The following KANK1 variants were observed in gnomAD, a reference collection of about 807,000 sequenced individuals.
KANK1 encodes KN motif and ankyrin repeat domain-containing protein 1.
KANK1 carries 109 observed loss-of-function variants against 106.2 expected under a neutral mutation model. That is an observed-to-expected ratio of 1.03 (90% CI 0.88 to 1.20). The LOEUF (loss-of-function observed/expected upper bound fraction) is 1.20, where lower values mean the gene tolerates loss of function less well. Ranked by LOEUF, KANK1 falls within the 50% of genes most tolerant of loss-of-function variation. The probability of loss-of-function intolerance (pLI) is 0.00; values close to 1 mark genes in which losing one functional copy is unlikely to be tolerated. For missense variants in KANK1, 2,399 were observed against 1,710.7 expected (o/e 1.40, Z -7.10); for synonymous variants, 873 against 652.2 (o/e 1.34, Z -5.16).
chr9:631,279 G>A (rs1323154953), intron 1 of KANK1, among the ~76,000 whole-genome samples: 4 of 152,116 alleles, frequency 2.6e-5, no homozygotes, highest in African/African-American at 7.2e-5. Context: ...CAGCCCACAC[G>A]GAAAAAGAAA....
chr9:628,698 A>G (rs1212893615), intron 1 of KANK1, among the ~76,000 whole-genome samples: 1 of 152,102 alleles, frequency 6.6e-6, no homozygotes, highest in Non-Finnish European at 1.5e-5. Flanking sequence ...GAAACATCCA[A>G]GGCTCTTTGC....
At chr9:635,755 G>C (rs1315874011) in intron 1 of KANK1, among the ~76,000 whole-genome samples, 1 of 133,658 alleles carries the variant, frequency 7.5e-6, no homozygotes, top group Non-Finnish European at 1.5e-5. Context: ...CTGGAGTGCA[G>C]TGGCACGATC....
At chr9:743,404 G>C (rs1400002106) in intron 10 of KANK1, among the ~76,000 whole-genome samples, 2 of 152,202 alleles carry the variant, frequency 1.3e-5, no homozygotes, top group Non-Finnish European at 2.9e-5. Flanking sequence ...GGGAGGGAGA[G>C]CTTCTGACCG....
At chr9:715,442 T>G (rs1016526232) in intron 3 of KANK1, among the ~76,000 whole-genome samples, 3 of 152,222 alleles carry the variant, frequency 2.0e-5, no homozygotes, top group Non-Finnish European at 4.4e-5. Context: ...AACTGGGGTT[T>G]CTATTTCACA....
chr9:560,701 C>T (rs886983327), intron 1 of KANK1, among the ~76,000 whole-genome samples: 48 of 151,604 alleles, frequency 3.2e-4, no homozygotes, highest in Non-Finnish European at 2.8e-4. Flanking sequence ...GGTCTTTGAT[C>T]AAGAAAGGTG....
intron 2 of KANK1, among the ~76,000 whole-genome samples, chr9:695,995 A>G (rs1424420702): frequency 2.0e-5 from 3 of 152,136 alleles, no homozygotes; most frequent in Non-Finnish European, 2.9e-5. Flanking sequence ...GAATACAAAC[A>G]TAAATACTGC....
At chr9:687,148 G>A (rs912653267) in intron 2 of KANK1, among the ~76,000 whole-genome samples, 22 of 152,066 alleles carry the variant, frequency 1.4e-4, no homozygotes, top group South Asian at 6.2e-4. Context: ...TCATTCAGTG[G>A]CTCACTTTTA....
intron 1 of KANK1, among the ~76,000 whole-genome samples, chr9:654,365 T>G (rs534238630): frequency 3.7e-4 from 56 of 152,170 alleles, no homozygotes; most frequent in Non-Finnish European, 6.8e-4. Context: ...TTGTTAGAAA[T>G]GTAAATTTTA....
chr9:504,564 G>A (rs1226583288), upstream of KANK1: 1 of 151,280 alleles, frequency 6.6e-6, no homozygotes, highest in East Asian at 2.0e-4. Flanking sequence ...CACAGCTGTC[G>A]CCCACCGCGG....
chr9:691,726 A>G (rs1032579831), intron 2 of KANK1, among the ~76,000 whole-genome samples: 2 of 145,158 alleles, frequency 1.4e-5, no homozygotes, highest in African/African-American at 5.1e-5. Flanking sequence ...TAATCCTCCC[A>G]GTCTCAGCTC....
chr9:707,042 G>C (rs545896488), intron 2 of KANK1: 8 of 985,492 alleles, frequency 8.1e-6, no homozygotes, highest in Non-Finnish European at 9.6e-6. Context: ...GAGTGCGGCG[G>C]GGGTGGTGTC....
At chr9:562,037 A>ATTTT (rs1307521609) in intron 1 of KANK1, among the ~76,000 whole-genome samples, 1 of 87,262 alleles carries the variant, frequency 1.1e-5, no homozygotes, top group African/African-American at 3.4e-5. Flanking sequence ...AGTAAATTGC[A>ATTTT]TTTTCTTTTT....
At chr9:594,917 A>T (rs1294241954) in intron 1 of KANK1, among the ~76,000 whole-genome samples, 1 of 151,866 alleles carries the variant, frequency 6.6e-6, no homozygotes, top group African/African-American at 2.4e-5. Context: ...CTTATTTATT[A>T]CAATCAGAGG....
chr9:482,483 C>A (rs1428294912), intron 3 of KANK1, among the ~76,000 whole-genome samples: 1 of 152,142 alleles, frequency 6.6e-6, no homozygotes, highest in African/African-American at 2.4e-5. Flanking sequence ...AACTCAACCT[C>A]CAAAATGGGG....
intron 3 of KANK1, among the ~76,000 whole-genome samples, chr9:714,619 A>G (rs1480290854): frequency 6.6e-6 from 1 of 151,932 alleles, no homozygotes. Context: ...CGGCCTCCCA[A>G]AGTGCTGGGA....
chr9:578,944 G>C (rs1017877520), intron 1 of KANK1, among the ~76,000 whole-genome samples: 3 of 152,166 alleles, frequency 2.0e-5, no homozygotes, highest in Admixed American at 6.5e-5. Flanking sequence ...CATAACTCTA[G>C]GAATTTGACT....
chr9:727,337 T>C (rs1286775491), intron 3 of KANK1, among the ~76,000 whole-genome samples: 1 of 151,546 alleles, frequency 6.6e-6, no homozygotes, highest in African/African-American at 2.4e-5. Flanking sequence ...TTTTTTTTTA[T>C]TAGAGTCTCG....
At chr9:719,152 A>G (rs776767812) in intron 3 of KANK1, among the ~76,000 whole-genome samples, 1 of 151,924 alleles carries the variant, frequency 6.6e-6, no homozygotes, top group Non-Finnish European at 1.5e-5. Context: ...TATTTTTAGT[A>G]GAGACGGGGT....
intron 3 of KANK1, among the ~76,000 whole-genome samples, chr9:490,341 A>G (rs761845589): frequency 2.3e-4 from 35 of 151,932 alleles, no homozygotes; most frequent in Admixed American, 2.0e-4. Context: ...CCTCATCCCT[A>G]CTAAAATTAA....
Sources: allele counts gnomAD v4.1 joint callset (sites outside exome capture counted in the v4.1 genomes callset), GRCh38; gene constraint gnomAD v4.1.1; transcripts MANE v1.5; gene names NCBI Gene and HGNC (gene_info 2026-07-23, HGNC 2026-07-21).